Variants in XBP1 observed in about 807,000 individuals in gnomAD.
XBP1 encodes X-box binding protein 1.
Under a neutral mutation model 34.6 loss-of-function variants are expected in XBP1, and 18 were observed. The observed-to-expected ratio is 0.52, with a 90% confidence interval of 0.36 to 0.77. The LOEUF is 0.77. Among genes scored for constraint, XBP1 ranks in the 30% least tolerant of loss-of-function variants. XBP1 has a pLI of 0.00. For missense variants in XBP1, 422 were observed against 464.6 expected (o/e 0.91, Z 0.84); for synonymous variants, 191 against 193.4 (o/e 0.99, Z 0.11).
intron 1 of XBP1, among the ~76,000 whole-genome samples, chr22:28,799,416 G>A (rs1405089240): frequency 6.6e-6 from 1 of 152,150 alleles, no homozygotes; most frequent in African/African-American, 2.4e-5. Flanking sequence ...CACTGGGGCT[G>A]GACACACACA....
At chr22:28,799,210 A>T in intron 1 of XBP1, 57 bp from the exon 2 acceptor site, 1 of 1,393,244 alleles carries the variant, frequency 7.2e-7, no homozygotes, top group South Asian at 1.2e-5. Context: ...TTATGTCTTT[A>T]TTTGAAAACT....
At chr22:28,796,059 A>C in exon 5 of XBP1, 1 of 1,614,238 alleles carries the variant, frequency 6.2e-7, no homozygotes, top group Non-Finnish European at 8.5e-7. Flanking sequence ...CTGAATCTGA[A>C]GAGTCAATAC....
exon 3 of XBP1, chr22:28,797,106 G>A: frequency 6.2e-7 from 1 of 1,612,120 alleles, no homozygotes; most frequent in South Asian, 1.1e-5. Flanking sequence ...TCAGCAACCA[G>A]GGCATCCATC....
intron 5 of XBP1, 29 bp downstream of exon 5, chr22:28,796,018 G>C (rs2031744684): frequency 6.2e-7 from 1 of 1,612,978 alleles, no homozygotes; most frequent in Non-Finnish European, 8.5e-7. Context: ...TGGTTATATA[G>C]CTCTTTAATA....
intron 2 of XBP1, among the ~76,000 whole-genome samples, 182 bp from the exon 3 acceptor site, chr22:28,797,387 T>G (rs2031770562): frequency 6.6e-6 from 1 of 152,208 alleles, no homozygotes; most frequent in Non-Finnish European, 1.5e-5. Context: ...ACTTAATAAG[T>G]GCCACTTCAT....
At chr22:28,798,840 C>G (rs1370637666) in intron 2 of XBP1, 1 of 281,216 alleles carries the variant, frequency 3.6e-6, no homozygotes, top group Non-Finnish European at 6.7e-6. Context: ...AGGCTGGTCT[C>G]AAACTGCTGG....
chr22:28,796,829 A>G, intron 3 of XBP1: 1 of 299,278 alleles, frequency 3.3e-6, no homozygotes, highest in East Asian at 6.8e-5. Context: ...ATTTGTTAGT[A>G]CTTGTTCTTA....
At chr22:28,798,768 CTTTTT>C (rs71196604) in intron 2 of XBP1, 7 of 125,288 alleles carry the variant, frequency 5.6e-5, no homozygotes, top group Non-Finnish European at 9.6e-5. Flanking sequence ...CACGCTTGGC[CTTTTT>C]TTTTTTTTTT....
chr22:28,800,529 C>A (rs933816042), upstream of XBP1: 2 of 1,485,876 alleles, frequency 1.3e-6, no homozygotes, highest in African/African-American at 2.9e-5. Flanking sequence ...CACCATAGCT[C>A]CAGACTACGC....
At chr22:28,795,696 G>C in exon 6 of XBP1, 2 of 1,555,018 alleles carry the variant, frequency 1.3e-6, no homozygotes, top group Non-Finnish European at 1.7e-6. Context: ...AACATGACTG[G>C]GTCCAAGTTG....
chr22:28,794,957 A>G (rs1411421094), downstream of XBP1: 3 of 410,154 alleles, frequency 7.3e-6, no homozygotes, highest in South Asian at 1.0e-4. Flanking sequence ...AATTATAGTA[A>G]TATTTCTTAC....
intron 2 of XBP1, 108 bp from the exon 3 acceptor site, chr22:28,797,313 T>C: frequency 7.6e-7 from 1 of 1,322,032 alleles, no homozygotes; most frequent in Admixed American, 2.6e-5. Context: ...TTTGGAAAAC[T>C]CTATGCTTGT....
intron 1 of XBP1, chr22:28,799,897 GCT>G (rs1373815738): frequency 2.2e-5 from 17 of 756,316 alleles, no homozygotes; most frequent in Non-Finnish European, 2.9e-5. Flanking sequence ...CCTTTCAACA[GCT>G]CTGTTATTTC....
intron 5 of XBP1, 61 bp downstream of exon 5, chr22:28,795,986 G>A (rs2031743482): frequency 1.3e-6 from 2 of 1,597,278 alleles, no homozygotes; most frequent in East Asian, 2.2e-5. Context: ...GGGATGTCAA[G>A]CATCAAACAG....
Position 28,797,488 on chromosome 22 carries a change from T to A in XBP1, c.325-283A>T, listed in dbSNP as rs1253969631. Among the ~76,000 whole-genome samples, 4 of 151,992 alleles carry A rather than the reference T, an allele frequency of 2.6e-5. No individual in the cohort carries two copies. In the East Asian group the frequency reaches 7.7e-4, roughly 29 times the overall value. On this transcript the variant is annotated intron_variant, in intron 2 of 5. Transcript: ENST00000344347. Reference sequence around the variant, plus strand: ...TTTAATGTAGATATAATTTTTTTTTTAAACTATCTTGGCCAGGCTCGGTGG... The same window carrying A: ...TTTAATGTAGATATAATTTTTTTTTAAAACTATCTTGGCCAGGCTCGGTGG...
intron 2 of XBP1, among the ~76,000 whole-genome samples, chr22:28,797,855 TA>T (rs1293754132): frequency 6.6e-6 from 1 of 151,586 alleles, no homozygotes; most frequent in African/African-American, 2.4e-5. Flanking sequence ...AACTGGCAGG[TA>T]ATAATAAAAG....
exon 6 of XBP1, chr22:28,795,620 G>A (rs1023386908): frequency 6.2e-7 from 1 of 1,613,588 alleles, no homozygotes; most frequent in Admixed American, 1.7e-5. Flanking sequence ...TAAGGAACTG[G>A]GTCCTTCTGG....
intron 1 of XBP1, 188 bp downstream of exon 1, chr22:28,800,110 G>A (rs1165445235): frequency 1.4e-6 from 1 of 739,698 alleles, no homozygotes; most frequent in African/African-American, 1.8e-5. Context: ...TAGGTTCCCA[G>A]CGTGGCGGAT....
exon 4 of XBP1, chr22:28,796,164 G>C (rs1329500174): frequency 6.3e-7 from 1 of 1,592,756 alleles, no homozygotes; most frequent in Admixed American, 1.8e-5. Context: ...GGACTCAGCA[G>C]ACCCGGCCAC....
Sources: gnomAD v4.1 joint callset for allele counts (sites outside exome capture counted in the v4.1 genomes callset) on GRCh38, gnomAD v4.1.1 for gene constraint, MANE v1.5 for transcripts, NCBI Gene and HGNC (gene_info 2026-07-23, HGNC 2026-07-21) for gene names.